Variants in TSBP1 observed in about 807,000 individuals in gnomAD.
TSBP1 encodes the protein testis-expressed basic protein 1.
TSBP1 carries 56 observed loss-of-function variants against 68.8 expected under a neutral mutation model. The observed-to-expected ratio is 0.81, with a 90% CI of 0.66 to 1.02. The LOEUF (loss-of-function observed/expected upper bound fraction) is 1.02. Among genes scored for constraint, TSBP1 ranks in the 50% least tolerant of loss-of-function variants. TSBP1 has a pLI of 0.00. For missense variants in TSBP1, 502 were observed against 641.2 expected (o/e 0.78, Z 2.34); for synonymous variants, 171 against 208.7 (o/e 0.82, Z 1.56).
In TSBP1 at chr6:32,335,952, A is replaced by G; in HGVS notation, c.431-20T>C. 6.2e-7 allele frequency: 1 copy of G among 1,602,048 alleles called. No homozygotes were observed. Among genetic ancestry groups the G allele is most frequent in the Non-Finnish European group, 8.5e-7 (1 of 1,172,694 alleles). On this transcript the variant is annotated intron_variant, in intron 12 of 22. Coordinates refer to ENST00000612031, the Ensembl canonical transcript of TSBP1. The surrounding 1 kb of genome is among the most constrained non-coding windows in gnomAD (Gnocchi z 5.5). Reference sequence around the variant, plus strand: ...CTCCGGCTGTGAGAGAGAAAGAGGGAGAAAGAAAAAGATATCAGTATGCTT... The same window carrying G: ...CTCCGGCTGTGAGAGAGAAAGAGGGGGAAAGAAAAAGATATCAGTATGCTT...
chr6:32,325,822 G>A lies in TSBP1; in HGVS notation c.515-2208C>T. The A allele has an allele frequency of 7.7e-7, 1 of 1,295,152 alleles. No individual in the cohort carries two copies. Among genetic ancestry groups the A allele is most frequent in the Non-Finnish European group, 1.1e-6 (1 of 904,562 alleles). The allele number at this position is 1,295,152 out of a possible 1,614,324, so 80.2% of individuals were successfully genotyped here. On this transcript the variant is annotated intron_variant, in intron 16 of 22. Coordinates refer to ENST00000612031, the Ensembl canonical transcript of TSBP1. The surrounding 1 kb of genome is among the most constrained non-coding windows in gnomAD (Gnocchi z 4.4). ...AGGTCGAAGTGGTTCTGGAAACTTA[G>A]GTGGTGGTCATGGAGGTGGTTTCGG... is the stretch of plus-strand genomic sequence containing the variant.
rs1280144536 is a variant in TSBP1 at position 32,337,660 on chromosome 6, A to G, written c.410-1025T>C. 1.3e-5 allele frequency among the ~76,000 whole-genome samples: 2 copies of G among 152,058 alleles called. No individual in the cohort carries two copies. Among genetic ancestry groups the G allele is most frequent in the African/African-American group, 4.8e-5 (2 of 41,412 alleles). On this transcript the variant is annotated intron_variant, in intron 11 of 22. Coordinates refer to ENST00000612031, the Ensembl canonical transcript of TSBP1. This position sits in a 1 kb window ranked among gnomAD's most constrained non-coding sequence, Gnocchi z 5.5. ...TAATGCAGTAACAGTCTTCTTCTTT[A>G]TGACCACACACACACATACACATAC...
At chr6:32,310,761 A>ATATATATATTTTTTTTT in intron 19 of TSBP1, among the ~76,000 whole-genome samples, 1 of 144,806 alleles carries the variant, frequency 6.9e-6, no homozygotes, top group Admixed American at 6.9e-5. Context: ...ATATATATAT[A>ATATATATATTTTTTTTT]TTTTTAATCT....
Position 32,315,389 on chromosome 6 carries a change from C to T in TSBP1, c.580+383G>A, listed in dbSNP as rs1473026159. Among the ~76,000 whole-genome samples the T allele has an allele frequency of 6.6e-6, 1 of 152,046 alleles. No homozygotes were observed. Among genetic ancestry groups the T allele is most frequent in the Non-Finnish European group, 1.5e-5 (1 of 68,018 alleles). On this transcript the variant is annotated intron_variant, in intron 19 of 22. Transcript: ENST00000612031. This position sits in a 1 kb window ranked among gnomAD's most constrained non-coding sequence, Gnocchi z 5.4. Reference sequence around the variant, plus strand: ...AACAGCCTGGCCAAATGAGGAAACCCTGTCTCTACTAAAAATACAATAATT... The same window carrying T: ...AACAGCCTGGCCAAATGAGGAAACCTTGTCTCTACTAAAAATACAATAATT...
chr6:32,315,987 A>G lies in TSBP1; in HGVS notation c.560-195T>C, dbSNP rs1766906405. Reference sequence around the variant, plus strand: ...CTAGATATAAGATTAGGCAGTGATGATGTGATGAAATCAAAGGTAGGGTTT... The same window carrying G: ...CTAGATATAAGATTAGGCAGTGATGGTGTGATGAAATCAAAGGTAGGGTTT... On this transcript the variant is annotated intron_variant, in intron 18 of 22. Coordinates refer to ENST00000612031, the Ensembl canonical transcript of TSBP1. The surrounding 1 kb of genome is among the most constrained non-coding windows in gnomAD (Gnocchi z 5.4). 6.6e-6 allele frequency among the ~76,000 whole-genome samples: 1 copy of G among 152,192 alleles called. No homozygotes were observed. The highest frequency in any genetic ancestry group is 2.1e-4 in the South Asian group (1 of 4,834).
At chr6:32,322,943 T>C (rs1285165222) in intron 18 of TSBP1, among the ~76,000 whole-genome samples, 174 bp downstream of exon 19, 5 of 152,188 alleles carry the variant, frequency 3.3e-5, no homozygotes, top group Non-Finnish European at 7.3e-5. Context: ...TTGTTCAGTT[T>C]ATTGTTGATG....
At position 32,335,590 on chromosome 6, in the gene TSBP1, G is replaced by A; in HGVS notation, c.452-133C>T. On this transcript the variant is annotated intron_variant, in intron 13 of 22. Transcript: ENST00000612031. This position sits in a 1 kb window ranked among gnomAD's most constrained non-coding sequence, Gnocchi z 5.5. ...TATTGTCAAGTTCAGCTGCAGTTGA[G>A]TAGTAGAAATGGTGACTTTCTTGCT... The A allele has an allele frequency of 2.6e-6, 2 of 769,090 alleles. No individual in the cohort carries two copies. The highest frequency in any genetic ancestry group is 3.7e-6 in the Non-Finnish European group (2 of 547,872). The allele number at this position is 769,090 out of a possible 1,614,324, so 47.6% of individuals were successfully genotyped here.
In TSBP1 at chr6:32,337,909, T is replaced by TA. The variant is rs1300800150; in HGVS notation, c.409+1069dup. Among the ~76,000 whole-genome samples, 1 of 151,892 alleles carries TA rather than the reference T, an allele frequency of 6.6e-6. No homozygotes were observed. The highest frequency in any genetic ancestry group is 1.5e-5 in the Non-Finnish European group (1 of 68,024). ...CAAGAGGAGTAGACACAGGATGTGA[T>TA]ATACCATGAGCTTTAATTATCAAAT... On this transcript the variant is annotated intron_variant, in intron 11 of 22. Transcript: ENST00000612031. The surrounding 1 kb of genome is among the most constrained non-coding windows in gnomAD (Gnocchi z 5.5).
At chr6:32,313,333 T>C (rs979514546) in intron 19 of TSBP1, among the ~76,000 whole-genome samples, 7 of 152,290 alleles carry the variant, frequency 4.6e-5, no homozygotes, top group Non-Finnish European at 1.0e-4. Flanking sequence ...GCAAGGACTT[T>C]GTCTTGCTCA....
In TSBP1 at chr6:32,349,199, T is replaced by C. The variant is rs528119768; in HGVS notation, c.349+541A>G. Among the ~76,000 whole-genome samples the C allele has an allele frequency of 1.8e-3, 271 of 149,994 alleles. 3 individuals are homozygous for C. Among genetic ancestry groups the C allele is most frequent in the Admixed American group, 5.2e-3 (79 of 15,114 alleles). ...TCAAAAACTATCCATTTCTTTCTTTTTTTTTTTTTTTTTGCAGGGGACAGG... is the reference window on the plus strand; with the variant it reads ...TCAAAAACTATCCATTTCTTTCTTTCTTTTTTTTTTTTTGCAGGGGACAGG... On this transcript the variant is annotated intron_variant, in intron 9 of 22. Transcript: ENST00000612031.
At chr6:32,358,540 A>G (rs1265773136) in intron 6 of TSBP1, among the ~76,000 whole-genome samples, 2 of 151,848 alleles carry the variant, frequency 1.3e-5, no homozygotes, top group African/African-American at 4.8e-5. Context: ...CATTAGGTAT[A>G]TCTCCTAATG....
chr6:32,315,762 A>C lies in TSBP1; in HGVS notation c.580+10T>G. 1 of 1,506,848 alleles carries C rather than the reference A, an allele frequency of 6.6e-7. No homozygotes were observed. The highest frequency in any genetic ancestry group is 8.9e-7 in the Non-Finnish European group (1 of 1,120,846). The allele number at this position is 1,506,848 out of a possible 1,614,324, so 93.3% of individuals were successfully genotyped here. ...TCCACATATGACCAGCTGAGAAATAAAGAACTTACTTGCAGTTCTCTGCGA... is the reference window on the plus strand; with the variant it reads ...TCCACATATGACCAGCTGAGAAATACAGAACTTACTTGCAGTTCTCTGCGA... On this transcript the variant is annotated intron_variant, in intron 19 of 22. Coordinates refer to ENST00000612031, the Ensembl canonical transcript of TSBP1. The surrounding 1 kb of genome is among the most constrained non-coding windows in gnomAD (Gnocchi z 5.4).
intron 9 of TSBP1, among the ~76,000 whole-genome samples, chr6:32,344,569 G>T (rs942762428): frequency 6.6e-6 from 1 of 151,980 alleles, no homozygotes; most frequent in African/African-American, 2.4e-5. Context: ...ACATCTCTAA[G>T]TGCACGCCAA....
At chr6:32,293,133 T>G in exon 23 of TSBP1, 2 of 1,598,562 alleles carry the variant, frequency 1.3e-6, no homozygotes, top group Non-Finnish European at 1.7e-6. Flanking sequence ...CCTTTTTCTT[T>G]TTTATTTGGA....
rs1024535797 is a variant in TSBP1, at chr6:32,304,983, C to G, written c.581-2354G>C. ...ATTACTAAGTTTACTTACTCTTTGCCTTACTGTGGCAGGGCAGGTCTCGCT... is the reference window on the plus strand; with the variant it reads ...ATTACTAAGTTTACTTACTCTTTGCGTTACTGTGGCAGGGCAGGTCTCGCT... On this transcript the variant is annotated intron_variant, in intron 19 of 22. Transcript: ENST00000612031. The surrounding 1 kb of genome is among the most constrained non-coding windows in gnomAD (Gnocchi z 4.8). 6.6e-6 allele frequency among the ~76,000 whole-genome samples: 1 copy of G among 151,922 alleles called. No homozygotes were observed. The highest frequency in any genetic ancestry group is 1.5e-5 in the Non-Finnish European group (1 of 67,986).
intron 9 of TSBP1, among the ~76,000 whole-genome samples, chr6:32,344,885 G>A (rs957551806): frequency 2.0e-5 from 3 of 151,942 alleles, no homozygotes; most frequent in African/African-American, 7.3e-5. Context: ...GGGGGACAGG[G>A]TTTCACTCTG....
intron 6 of TSBP1, among the ~76,000 whole-genome samples, chr6:32,359,374 AT>A (rs936012480): frequency 6.6e-6 from 1 of 151,824 alleles, no homozygotes; most frequent in African/African-American, 2.4e-5. Context: ...TGTGGTTTTG[AT>A]TTGCATTTCT....
chr6:32,371,833 C>G, exon 1 of TSBP1: 1 of 1,036,338 alleles, frequency 9.6e-7, no homozygotes, highest in Non-Finnish European at 1.5e-6. Context: ...CAGGGAGGCC[C>G]TTGTAGGCAG....
At chr6:32,355,033 A>G (rs1210751000) in intron 8 of TSBP1, 91 bp downstream of exon 8, 6 of 1,065,180 alleles carry the variant, frequency 5.6e-6, no homozygotes, top group Non-Finnish European at 8.3e-6. Flanking sequence ...ACTTAATTTT[A>G]AAAACTTTCT....
Sources: gnomAD v4.1 joint callset for allele counts (sites outside exome capture counted in the v4.1 genomes callset) on GRCh38, gnomAD v4.1.1 for gene constraint, Gnocchi (gnomAD v3.1) non-coding constraint, MANE v1.5 for transcripts, NCBI Gene and HGNC (gene_info 2026-07-23, HGNC 2026-07-21) for gene names.